Variants in VRK2 observed in about 807,000 individuals in gnomAD.
VRK2 encodes VRK serine/threonine kinase 2.
Under a neutral mutation model 57.6 loss-of-function variants are expected in VRK2, and 60 were observed. The ratio of observed to expected loss-of-function variants is 1.04; its 90% CI spans 0.85 to 1.29. The LOEUF is 1.29. Among genes scored for constraint, VRK2 ranks in the 50% most tolerant of loss-of-function variants. VRK2 has a pLI of 0.00. For synonymous variants in VRK2, 231 were observed against 199.2 expected (o/e 1.16, Z -1.35); for missense variants, 705 against 588.1 (o/e 1.20, Z -2.06).
At chr2:58,142,382 A>G (rs1681480986) in intron 11 of VRK2, among the ~76,000 whole-genome samples, 1 of 151,746 alleles carries the variant, frequency 6.6e-6, no homozygotes, top group Non-Finnish European at 1.5e-5. Flanking sequence ...TTCTCTGTAA[A>G]CCTGGACAGA....
At position 58,159,484 on chromosome 2, in the gene VRK2, GAT is replaced by G. The variant is rs781022842; in HGVS notation, c.1323_1324del (p.Phe442GlnfsTer10). 7.4e-6 allele frequency: 12 copies of G among 1,613,680 alleles called. No individual in the cohort carries two copies. The highest frequency in any genetic ancestry group is 1.0e-5 in the Non-Finnish European group (12 of 1,179,760). The part of the protein sequence containing the change: ...YEPHQDFTSP[D>X]IFKKSRSPSW... ...GCCTCATCAAGATTTTACCAGTCCAGATATATTCAAGAAGTCAAGATCTCCAT... is the reference window on the plus strand; with the variant it reads ...GCCTCATCAAGATTTTACCAGTCCAGATATTCAAGAAGTCAAGATCTCCAT... On this transcript the variant is annotated frameshift_variant, in exon 13 of 13. Coordinates refer to ENST00000340157, the MANE Select transcript of VRK2 (RefSeq NM_006296.7). LOFTEE classifies it low-confidence loss of function (END_TRUNC).
In VRK2 at chr2:57,938,110, G is replaced by A. The variant is rs116578548; in HGVS notation, c.-439+30271G>A. On this transcript the variant is annotated intron_variant, in intron 1 of 15. Transcript: ENST00000417641. ...CTCCCAAAGTGCTGGGATTAATGGC[G>A]TGAGCCACTGCACCTGGCCTTATTG... Among the ~76,000 whole-genome samples the A allele has an allele frequency of 7.5e-3, 1,142 of 152,170 alleles. 17 individuals carry two copies. Among genetic ancestry groups the A allele is most frequent in the African/African-American group, 0.025 (1,021 of 41,530 alleles).
intron 12 of VRK2, among the ~76,000 whole-genome samples, chr2:58,146,776 A>C (rs1409920164): frequency 6.6e-6 from 1 of 152,010 alleles, no homozygotes; most frequent in African/African-American, 2.4e-5. Flanking sequence ...AATGTATTCT[A>C]TACTTTTACA....
At chr2:57,939,723 T>C (rs893873154) in intron 1 of VRK2, among the ~76,000 whole-genome samples, 1 of 152,232 alleles carries the variant, frequency 6.6e-6, no homozygotes, top group Non-Finnish European at 1.5e-5. Flanking sequence ...TATTGCATTT[T>C]ATTTTGTCCA....
chr2:58,057,163 T>C (rs1026438272), intron 2 of VRK2, among the ~76,000 whole-genome samples: 3 of 152,130 alleles, frequency 2.0e-5, no homozygotes, highest in Non-Finnish European at 2.9e-5. Context: ...ATGTTATAGT[T>C]CTTAAAAAAT....
At chr2:58,122,259 A>G (rs899806961) in intron 7 of VRK2, among the ~76,000 whole-genome samples, 2 of 152,182 alleles carry the variant, frequency 1.3e-5, no homozygotes, top group African/African-American at 4.8e-5. Context: ...CAGTTGACCT[A>G]TGACAATGCC....
At chr2:58,034,187 G>A (rs1351953096) in intron 3 of VRK2, among the ~76,000 whole-genome samples, 1 of 151,978 alleles carries the variant, frequency 6.6e-6, no homozygotes, top group African/African-American at 2.4e-5. Flanking sequence ...TTAGGAAAAA[G>A]TCAAAAATAC....
upstream of VRK2, among the ~76,000 whole-genome samples, chr2:58,043,173 C>T (rs1296956670): frequency 6.6e-6 from 1 of 152,136 alleles, no homozygotes; most frequent in Non-Finnish European, 1.5e-5. Context: ...AAAACCAATG[C>T]TAAGTGGTTT....
chr2:58,115,680 A>T (rs1482630788), intron 7 of VRK2, among the ~76,000 whole-genome samples: 2 of 152,204 alleles, frequency 1.3e-5, no homozygotes, highest in African/African-American at 4.8e-5. Context: ...ATTGGACATG[A>T]TCAGCAGGGA....
chr2:58,016,993 C>T lies in VRK2; in HGVS notation c.-438-8672C>T, dbSNP rs569131603. Among the ~76,000 whole-genome samples the T allele has an allele frequency of 1.4e-3, 209 of 152,174 alleles. 1 individual carries two copies. Among genetic ancestry groups the T allele is most frequent in the African/African-American group, 4.5e-3 (188 of 41,516 alleles). On this transcript the variant is annotated intron_variant, in intron 1 of 15. Coordinates refer to the VRK2 transcript ENST00000417641. ...CAAGAAATTATAGGGGTTTCCTTTT[C>T]TAACTTTTAACTCTTGTCAAAAGGG...
chr2:58,109,682 A>G (rs752511138), intron 7 of VRK2, among the ~76,000 whole-genome samples: 5 of 152,212 alleles, frequency 3.3e-5, no homozygotes, highest in South Asian at 2.1e-4. Context: ...AACCGCCCCC[A>G]TGATCTAATC....
intron 2 of VRK2, among the ~76,000 whole-genome samples, chr2:58,074,803 T>A (rs1392405678): frequency 6.6e-6 from 1 of 152,102 alleles, no homozygotes; most frequent in Non-Finnish European, 1.5e-5. Flanking sequence ...TCTTGCAAGG[T>A]GGGTCTACTG....
rs569423225 is a variant in VRK2 at position 58,036,891 on chromosome 2, T to A, written c.-6+3338T>A. Among the ~76,000 whole-genome samples the A allele has an allele frequency of 2.6e-5, 4 of 152,194 alleles. No homozygotes were observed. The East Asian group carries it at 5.8e-4, about 22-fold the overall frequency. On this transcript the variant is annotated intron_variant, in intron 3 of 15. Transcript: ENST00000417641. ...ATGTGGCTAAGGAGCACTTGAAACATAACTCATGAAGCCGGTACCGAATTT... is the reference window on the plus strand; with the variant it reads ...ATGTGGCTAAGGAGCACTTGAAACAAAACTCATGAAGCCGGTACCGAATTT...
intron 1 of VRK2, among the ~76,000 whole-genome samples, chr2:57,963,265 T>A (rs1359824986): frequency 6.6e-6 from 1 of 152,220 alleles, no homozygotes; most frequent in Non-Finnish European, 1.5e-5. Flanking sequence ...TCAGCTCATG[T>A]GTCTGTAGTC....
At chr2:57,958,482 TATATC>T (rs1423603904) in intron 1 of VRK2, among the ~76,000 whole-genome samples, 3 of 151,588 alleles carry the variant, frequency 2.0e-5, no homozygotes, top group Non-Finnish European at 2.9e-5. Flanking sequence ...CACACACACA[TATATC>T]ATATATGTGT....
intron 1 of VRK2, among the ~76,000 whole-genome samples, chr2:57,920,788 C>T (rs1293464313): frequency 6.6e-6 from 1 of 152,016 alleles, no homozygotes; most frequent in Non-Finnish European, 1.5e-5. Flanking sequence ...GTGAGAATTC[C>T]TGTGGCAATA....
At chr2:58,066,611 C>T (rs1169927450) in intron 2 of VRK2, among the ~76,000 whole-genome samples, 3 of 151,932 alleles carry the variant, frequency 2.0e-5, no homozygotes, top group African/African-American at 7.3e-5. Context: ...AGTATTCTTT[C>T]TTTTGTTTTC....
At chr2:58,048,471 T>G in intron 1 of VRK2, 1 of 986,136 alleles carries the variant, frequency 1.0e-6, no homozygotes, top group Non-Finnish European at 1.4e-6. Flanking sequence ...TATTTCCATG[T>G]ACATGAAATT....
intron 12 of VRK2, among the ~76,000 whole-genome samples, chr2:58,153,872 G>A (rs893910191): frequency 6.6e-6 from 1 of 152,004 alleles, no homozygotes; most frequent in African/African-American, 2.4e-5. Flanking sequence ...AATTTCTTTA[G>A]TAAGACTATT....
Sources: allele counts gnomAD v4.1 joint callset (sites outside exome capture counted in the v4.1 genomes callset), GRCh38; gene constraint gnomAD v4.1.1; transcripts MANE v1.5; gene names NCBI Gene and HGNC (gene_info 2026-07-23, HGNC 2026-07-21).